ALPK1: variants seen among roughly 807,000 people sequenced by gnomAD.
ALPK1 encodes the protein alpha kinase 1.
In ALPK1, 110 loss-of-function variants were observed where a neutral mutation model predicts 120.6. The observed-to-expected ratio is 0.91, with a 90% confidence interval of 0.78 to 1.07. The LOEUF (loss-of-function observed/expected upper bound fraction) is 1.07, where lower values mean the gene tolerates loss of function less well. Among genes scored for constraint, ALPK1 ranks in the 50% least tolerant of loss-of-function variants. ALPK1 has a pLI of 0.00. For synonymous variants in ALPK1, 582 were observed against 560.3 expected, an observed-to-expected ratio of 1.04 and a Z score of -0.55; for missense variants, 1,498 against 1,483.9, an observed-to-expected ratio of 1.01 and a Z score of -0.16.
intron 4 of ALPK1, among the ~76,000 whole-genome samples, chr4:112,399,653 C>T (rs887080096): frequency 2.0e-5 from 3 of 152,076 alleles, no homozygotes; most frequent in African/African-American, 7.2e-5. Context: ...CATAGGTATA[C>T]ATGTGCCATG....
At chr4:112,308,763 C>T (rs983005357) in intron 1 of ALPK1, among the ~76,000 whole-genome samples, 4 of 152,130 alleles carry the variant, frequency 2.6e-5, no homozygotes, top group African/African-American at 4.8e-5. Context: ...AAGTCATTGT[C>T]CATCCAGCTT....
intron 4 of ALPK1, among the ~76,000 whole-genome samples, chr4:112,387,234 C>T (rs1262807538): frequency 1.3e-5 from 2 of 152,054 alleles, no homozygotes; most frequent in African/African-American, 4.8e-5. Flanking sequence ...TAAACAACAA[C>T]AAAAAATGTC....
chr4:112,327,590 C>T (rs749175138), intron 2 of ALPK1, among the ~76,000 whole-genome samples: 68 of 151,988 alleles, frequency 4.5e-4, no homozygotes, highest in Non-Finnish European at 8.4e-4. Context: ...CGTGCACAAC[C>T]GAGCCCTGAT....
intron 11 of ALPK1, among the ~76,000 whole-genome samples, chr4:112,434,251 A>G (rs901943589): frequency 1.1e-4 from 17 of 152,014 alleles, no homozygotes; most frequent in Admixed American, 9.2e-4. Flanking sequence ...TCAATTTATC[A>G]CCCGTCCTGT....
intron 7 of ALPK1, 143 bp downstream of exon 7, chr4:112,425,894 A>G: frequency 1.7e-6 from 1 of 598,772 alleles, no homozygotes; most frequent in Non-Finnish European, 3.0e-6. Flanking sequence ...AGAGAATGGC[A>G]TTTAAGATCC....
chr4:112,349,297 A>T (rs758497420), intron 2 of ALPK1, among the ~76,000 whole-genome samples: 19 of 152,228 alleles, frequency 1.2e-4, no homozygotes, highest in Non-Finnish European at 2.2e-4. Context: ...TGCATAGTCA[A>T]GCAATTTTAT....
chr4:112,412,566 A>G, intron 5 of ALPK1: 2 of 403,830 alleles, frequency 5.0e-6, no homozygotes, highest in Non-Finnish European at 5.0e-6. Context: ...ATGAAAAAGG[A>G]GGCTGACATT....
rs779604681 is a variant in ALPK1, at chr4:112,382,504, C to T, written c.228C>T (p.Asp76=). The T allele has an allele frequency of 5.6e-6, 9 of 1,614,048 alleles. No homozygotes were observed. Among genetic ancestry groups the T allele is most frequent in the South Asian group, 1.1e-5 (1 of 91,058 alleles). ...ACAAACAAGCCGTGGGCCCAGAGGA[C>T]AAAACAAACCTGAAGGATGTGATTG... ...WQYKQAVGPE[D]KTNLKDVIGA... is the part of the protein sequence containing the mutation. The change falls in exon 4 of 16, where the codon GAC becomes GAT. Residue 76 remains aspartate (D), a synonymous_variant. Coordinates refer to ENST00000650871, the MANE Select transcript of ALPK1 (RefSeq NM_025144.4).
chr4:112,375,981 G>A (rs1457337416), intron 2 of ALPK1, among the ~76,000 whole-genome samples: 9 of 152,120 alleles, frequency 5.9e-5, no homozygotes, highest in Non-Finnish European at 8.8e-5. Context: ...AGCCTGAGGA[G>A]AGGAAAAGAT....
At chr4:112,419,736 C>T (rs765105255) in intron 5 of ALPK1, among the ~76,000 whole-genome samples, 17 of 152,166 alleles carry the variant, frequency 1.1e-4, no homozygotes, top group Non-Finnish European at 1.8e-4. Flanking sequence ...TCATGTTGGA[C>T]AACTAATCTG....
At chr4:112,298,768 C>T (rs974035201) in intron 1 of ALPK1, among the ~76,000 whole-genome samples, 2 of 152,142 alleles carry the variant, frequency 1.3e-5, no homozygotes, top group African/African-American at 4.8e-5. Flanking sequence ...TACCTCCCAG[C>T]AAGTGCCATG....
chr4:112,438,428 C>T (rs1734877944), intron 12 of ALPK1, 56 bp from the exon 13 acceptor site: 5 of 1,528,164 alleles, frequency 3.3e-6, no homozygotes, highest in Admixed American at 1.7e-5. Context: ...CTCTCTTACT[C>T]CATAGTAAGT....
At chr4:112,357,344 G>A (rs1012305128) in intron 2 of ALPK1, 48 of 783,192 alleles carry the variant, frequency 6.1e-5, no homozygotes, top group Non-Finnish European at 8.9e-5. Flanking sequence ...AGACCCCTCC[G>A]AGAATGGCCC....
chr4:112,434,294 C>T (rs1734699149), intron 11 of ALPK1, among the ~76,000 whole-genome samples: 1 of 152,216 alleles, frequency 6.6e-6, no homozygotes, highest in African/African-American at 2.4e-5. Flanking sequence ...CCATTTCCAT[C>T]CGGCTTCTCT....
intron 2 of ALPK1, among the ~76,000 whole-genome samples, chr4:112,367,410 A>T (rs1351875909): frequency 2.6e-5 from 4 of 152,158 alleles, no homozygotes; most frequent in Admixed American, 6.5e-5. Context: ...CTTACGCTTA[A>T]TTATGATAAA....
intron 2 of ALPK1, among the ~76,000 whole-genome samples, chr4:112,336,409 G>GA (rs1051219283): frequency 2.0e-5 from 3 of 151,066 alleles, no homozygotes; most frequent in East Asian, 1.9e-4. Context: ...TTTTCCTGTT[G>GA]AAAAAAAAAG....
intron 15 of ALPK1, 21 bp downstream of exon 15, chr4:112,441,126 A>G (rs976366631): frequency 1.9e-6 from 3 of 1,613,904 alleles, no homozygotes; most frequent in Non-Finnish European, 8.5e-7. Flanking sequence ...GGCTGTATGG[A>G]TTGGTAATGT....
Position 112,431,198 on chromosome 4 carries a change from C to G in ALPK1, c.1651C>G (p.Gln551Glu), listed in dbSNP as rs780257914. The G allele has an allele frequency of 1.2e-6, 2 of 1,614,146 alleles. No homozygotes were observed. The highest frequency in any genetic ancestry group is 1.7e-6 in the Non-Finnish European group (2 of 1,180,038). ...HSDAFRVSLDQDVETETEPSD... is the reference protein window; with the variant it reads ...HSDAFRVSLDEDVETETEPSD... ...TGATGCATTTCGAGTCTCCTTGGAT[C>G]AAGATGTGGAGACTGAGACTGAGCC... The change falls in exon 11 of 16, where the codon CAA (glutamine) becomes GAA (glutamate). Residue 551 changes from glutamine to glutamate, a missense_variant. Transcript: ENST00000650871.
At chr4:112,427,801 A>C (rs1160181609) in intron 9 of ALPK1, 136 bp downstream of exon 9, 5 of 657,728 alleles carry the variant, frequency 7.6e-6, no homozygotes, top group Admixed American at 4.6e-5. Flanking sequence ...AATGGGAGGA[A>C]TCCTGGGGAG....
Sources: gnomAD v4.1 joint callset for allele counts (sites outside exome capture counted in the v4.1 genomes callset) on GRCh38, gnomAD v4.1.1 for gene constraint, MANE v1.5 for transcripts, NCBI Gene and HGNC (gene_info 2026-07-23, HGNC 2026-07-21) for gene names.